CA13: variants seen among roughly 807,000 people sequenced by gnomAD.
CA13 encodes the protein CA-XIII.
CA13 carries 21 observed loss-of-function variants against 31.5 expected under a neutral mutation model. That is an observed-to-expected ratio of 0.67 (90% CI 0.47 to 0.96). CA13 has a LOEUF of 0.96. Among genes scored for constraint, CA13 ranks in the 40% least tolerant of loss-of-function variants. The probability of loss-of-function intolerance (pLI) is 0.00; values close to 1 mark genes in which losing one functional copy is unlikely to be tolerated. For synonymous variants in CA13, 117 were observed against 111.4 expected, an observed-to-expected ratio of 1.05 and a Z score of -0.32; for missense variants, 315 against 318.9, an observed-to-expected ratio of 0.99 and a Z score of 0.09.
rs139159801 is a variant in CA13 at position 85,276,413 on chromosome 8, C to T, written c.670-4817C>T. On this transcript the variant is annotated intron_variant, in intron 6 of 6. Transcript: ENST00000321764. Reference sequence around the variant, plus strand: ...CCACCCAAGGGCCGAGGAGTGCGGGCGCATGGCGCTGGGACTGGCAGGCAG... The same window carrying T: ...CCACCCAAGGGCCGAGGAGTGCGGGTGCATGGCGCTGGGACTGGCAGGCAG... Among the ~76,000 whole-genome samples the T allele has an allele frequency of 9.7e-3, 1,482 of 152,342 alleles. 18 individuals are homozygous for T. Among genetic ancestry groups the T allele is most frequent in the East Asian group, 0.063 (329 of 5,184 alleles).
At chr8:85,253,600 A>G (rs933606795) in intron 2 of CA13, among the ~76,000 whole-genome samples, 10 of 152,228 alleles carry the variant, frequency 6.6e-5, no homozygotes, top group Non-Finnish European at 1.3e-4. Context: ...ATAAAGACAA[A>G]TAAATACATG....
At chr8:85,257,123 T>A (rs1807312303) in intron 2 of CA13, among the ~76,000 whole-genome samples, 1 of 152,174 alleles carries the variant, frequency 6.6e-6, no homozygotes, top group South Asian at 2.1e-4. Flanking sequence ...AAGAACTTAG[T>A]TTTTAGTGAT....
intron 3 of CA13, among the ~76,000 whole-genome samples, chr8:85,260,212 T>TA (rs922891451): frequency 6.6e-5 from 10 of 152,194 alleles, no homozygotes; most frequent in African/African-American, 2.4e-4. Flanking sequence ...GGATCTGGAT[T>TA]AAAAAATGCT....
chr8:85,274,838 CTCTTGCCA>C (rs1807579232), intron 6 of CA13, among the ~76,000 whole-genome samples: 1 of 152,234 alleles, frequency 6.6e-6, no homozygotes, highest in South Asian at 2.1e-4. Flanking sequence ...GCCACTCGTC[CTCTTGCCA>C]TCTTTGGCTC....
chr8:85,258,434 T>G (rs975070326), intron 2 of CA13, among the ~76,000 whole-genome samples: 3 of 152,164 alleles, frequency 2.0e-5, no homozygotes, highest in African/African-American at 7.2e-5. Flanking sequence ...TGTCCTATAT[T>G]TCACATTTCC....
chr8:85,268,368 G>T, intron 5 of CA13, 104 bp from the exon 6 acceptor site: 1 of 978,988 alleles, frequency 1.0e-6, no homozygotes, highest in Non-Finnish European at 1.6e-6. Context: ...CAGATATTCT[G>T]TATTGTTTAT....
intron 3 of CA13, among the ~76,000 whole-genome samples, chr8:85,265,766 T>C (rs1807447845): frequency 1.3e-5 from 2 of 152,240 alleles, no homozygotes; most frequent in African/African-American, 4.8e-5. Flanking sequence ...TATTAAAACA[T>C]TGCATTGTGC....
intron 6 of CA13, among the ~76,000 whole-genome samples, chr8:85,269,977 C>G (rs569877322): frequency 2.6e-5 from 4 of 152,270 alleles, no homozygotes; most frequent in Middle Eastern, 6.8e-3. Flanking sequence ...CCTGCTTCGG[C>G]CTCCCAAAGT....
intron 6 of CA13, among the ~76,000 whole-genome samples, chr8:85,268,987 A>C (rs1807492913): frequency 6.6e-6 from 1 of 152,218 alleles, no homozygotes; most frequent in South Asian, 2.1e-4. Context: ...CAAACAAAAA[A>C]ATCAGAGAGC....
intron 3 of CA13, 131 bp from the exon 4 acceptor site, chr8:85,266,477 C>A: frequency 1.5e-6 from 1 of 653,130 alleles, no homozygotes; most frequent in East Asian, 2.8e-5. Flanking sequence ...GGATTCTGTC[C>A]AAGATTCTTG....
In CA13 at chr8:85,266,683, G is replaced by C; in HGVS notation, c.430G>C (p.Val144Leu). 6.2e-7 allele frequency: 1 copy of C among 1,613,728 alleles called. No homozygotes were observed. The highest frequency in any genetic ancestry group is 1.1e-5 in the South Asian group (1 of 91,054). ...EAAHEPDGLA[V>L]LGVFLQIGEP... ...AGCTCATGAACCAGATGGACTGGCT[G>C]TCTTGGGAGTGTTTTTACAGGTGAG... Residue 144 changes from valine (V) to leucine (L), a missense_variant, in exon 4 of 7, where the codon GTC (valine) becomes CTC (leucine). Physicochemically the swap from Val to Leu is conservative, Grantham distance 32. Transcript: ENST00000321764.
chr8:85,273,842 C>T (rs889242264), intron 6 of CA13, among the ~76,000 whole-genome samples: 3 of 152,018 alleles, frequency 2.0e-5, no homozygotes, highest in Non-Finnish European at 2.9e-5. Context: ...TGGAGCAACA[C>T]GCTGTTTTAA....
chr8:85,256,070 G>A (rs781033179), intron 2 of CA13, among the ~76,000 whole-genome samples: 1 of 151,566 alleles, frequency 6.6e-6, no homozygotes, highest in African/African-American at 2.4e-5. Flanking sequence ...GGAAAGACAT[G>A]GAAAATACCA....
chr8:85,266,517 C>A, intron 3 of CA13, 91 bp from the exon 4 acceptor site: 1 of 891,200 alleles, frequency 1.1e-6, no homozygotes, highest in Non-Finnish European at 1.8e-6. Context: ...AAGTGTACAG[C>A]ACCAGAAAAT....
Position 85,283,435 on chromosome 8 carries a change from TA to T in CA13, c.*2092del, listed in dbSNP as rs1428418802. ...GCAATTATTTAATGAATTGAATATT[TA>T]AAAAATTTTTTATTTGCTGTCTTTG... On this transcript the variant is annotated 3_prime_UTR_variant, in exon 7 of 7. Coordinates refer to ENST00000321764, the MANE Select transcript of CA13 (RefSeq NM_198584.3). 1 of 152,532 alleles carries T rather than the reference TA, an allele frequency of 6.6e-6. No homozygotes were observed. The highest frequency in any genetic ancestry group is 1.9e-4 in the East Asian group (1 of 5,192). The allele number at this position is 152,532 out of a possible 1,614,324, so 9.4% of individuals were successfully genotyped here.
At chr8:85,249,989 G>C (rs771643412) in intron 1 of CA13, 8 of 262,132 alleles carry the variant, frequency 3.1e-5, no homozygotes, top group Middle Eastern at 8.6e-4. Flanking sequence ...TTGAGTAGAG[G>C]ACCAGGATGA....
chr8:85,257,668 C>G (rs1312203256), intron 2 of CA13, among the ~76,000 whole-genome samples: 1 of 151,054 alleles, frequency 6.6e-6, no homozygotes, highest in Non-Finnish European at 1.5e-5. Flanking sequence ...AGTTTGAGCC[C>G]CACTGTACTC....
At chr8:85,273,896 G>A (rs1258188301) in intron 6 of CA13, among the ~76,000 whole-genome samples, 1 of 151,992 alleles carries the variant, frequency 6.6e-6, no homozygotes, top group Admixed American at 6.5e-5. Context: ...AATGGCATCA[G>A]CCCCAAGTGA....
At chr8:85,277,589 T>C (rs1807632412) in intron 6 of CA13, among the ~76,000 whole-genome samples, 1 of 152,138 alleles carries the variant, frequency 6.6e-6, no homozygotes, top group African/African-American at 2.4e-5. Flanking sequence ...GAGGGGCTGC[T>C]GTGGACAGTA....
Sources: allele counts gnomAD v4.1 joint callset (sites outside exome capture counted in the v4.1 genomes callset), GRCh38; gene constraint gnomAD v4.1.1; transcripts MANE v1.5; gene names NCBI Gene and HGNC (gene_info 2026-07-23, HGNC 2026-07-21).